The following SYT7 variants were observed in gnomAD, a reference collection of about 807,000 sequenced individuals.
The protein encoded by SYT7 is synaptotagmin-7.
A neutral mutation model predicts 75.1 loss-of-function variants in SYT7; 29 were observed. The observed-to-expected ratio is 0.39, with a 90% CI of 0.29 to 0.53. The LOEUF (loss-of-function observed/expected upper bound fraction) is 0.53. Among genes scored for constraint, SYT7 ranks in the 20% least tolerant of loss-of-function variants. The probability of loss-of-function intolerance (pLI) is 0.77; values close to 1 mark genes in which losing one functional copy is unlikely to be tolerated. For synonymous variants in SYT7, 376 were observed against 401.7 expected, an observed-to-expected ratio of 0.94 and a Z score of 0.76; for missense variants, 693 against 953.2, an observed-to-expected ratio of 0.73 and a Z score of 3.59.
chr11:61,529,292 G>C (rs1469917645), intron 8 of SYT7, among the ~76,000 whole-genome samples: 2 of 152,180 alleles, frequency 1.3e-5, no homozygotes, highest in Non-Finnish European at 1.5e-5. Context: ...CCTTCATCCT[G>C]GAGAGGCAGC....
intron 4 of SYT7, among the ~76,000 whole-genome samples, 168 bp downstream of exon 4, chr11:61,547,009 G>T (rs1046370767): frequency 6.6e-6 from 1 of 151,766 alleles, no homozygotes; most frequent in African/African-American, 2.4e-5. Context: ...GGGGTTGCTC[G>T]TCTCCATGGT....
At chr11:61,519,980 C>T (rs2062264021) in intron 12 of SYT7, among the ~76,000 whole-genome samples, 2 of 151,924 alleles carry the variant, frequency 1.3e-5, no homozygotes, top group African/African-American at 4.8e-5. Context: ...GCCACCACGC[C>T]CGGCTAATTT....
At chr11:61,527,818 CAT>C (rs2062568892) in intron 9 of SYT7, 95 bp downstream of exon 9, 10 of 1,451,156 alleles carry the variant, frequency 6.9e-6, no homozygotes, top group South Asian at 5.0e-5. Context: ...TGTGTGTACA[CAT>C]ATGTGTCTGT....
In SYT7 at chr11:61,580,811, C is replaced by A; in HGVS notation, c.10G>T (p.Asp4Tyr). The change falls in exon 1 of 13, where the codon GAC becomes TAC. Residue 4 changes from aspartate (D) to tyrosine (Y), a missense_variant. Asp to Tyr is a radical substitution (Grantham distance 160). Around this residue, in one of 2 missense-constraint regions of SYT7, gnomAD observed 487 missense variants for 593.2 expected, o/e 0.82. Transcript: ENST00000539008. This position sits in a 1 kb window ranked among gnomAD's most constrained non-coding sequence, Gnocchi z 6.1. ...TTACCTGGGCTGGCCGCCTCCGGGT[C>A]CCGGTACATGGTCCCCTCGTCGCCG... The part of the protein sequence containing the change: MYR[D>Y]PEAASPGAPS... The A allele has an allele frequency of 7.8e-7, 1 of 1,286,018 alleles. No homozygotes were observed. The highest frequency in any genetic ancestry group is 9.9e-7 in the Non-Finnish European group (1 of 1,014,084). The allele number at this position is 1,286,018 out of a possible 1,614,324, so 79.7% of individuals were successfully genotyped here.
rs1302133486 is a variant in SYT7, at chr11:61,514,139, G to C, written c.*4488C>G. ...AAAATGGAGGAAGGCAAAAAGTCCA[G>C]GGAAGGGCCCGAGCCAGTGGCAAGG... is the stretch of plus-strand genomic sequence containing the variant. On this transcript the variant is annotated 3_prime_UTR_variant, in exon 13 of 13. Transcript: ENST00000539008. 6.6e-6 allele frequency among the ~76,000 whole-genome samples: 1 copy of C among 152,248 alleles called. No individual in the cohort carries two copies. The highest frequency in any genetic ancestry group is 1.5e-5 in the Non-Finnish European group (1 of 68,048).
In SYT7 at chr11:61,524,185, C is replaced by A. The variant is rs1467565360; in HGVS notation, c.1641+178G>T. On this transcript the variant is annotated intron_variant, in intron 10 of 12. Coordinates refer to ENST00000539008, the MANE Select transcript of SYT7 (RefSeq NM_001365809.2). This position sits in a 1 kb window ranked among gnomAD's most constrained non-coding sequence, Gnocchi z 4.1. Reference sequence around the variant, plus strand: ...CTTCTTACAGATCGGGTGAGTCCCCCCAAGTGCCAAGCACCAATGTTCTGA... The same window carrying A: ...CTTCTTACAGATCGGGTGAGTCCCCACAAGTGCCAAGCACCAATGTTCTGA... Among the ~76,000 whole-genome samples, 2 of 152,200 alleles carry A rather than the reference C, an allele frequency of 1.3e-5. No homozygotes were observed. The highest frequency in any genetic ancestry group is 4.8e-5 in the African/African-American group (2 of 41,440).
upstream of SYT7, chr11:61,581,222 G>A (rs1171317989): frequency 6.8e-6 from 1 of 146,482 alleles, no homozygotes; most frequent in African/African-American, 2.5e-5. Context: ...TGCCGGCCGC[G>A]CGCCGCACTG....
At chr11:61,547,129 G>T in intron 4 of SYT7, 48 bp downstream of exon 4, 1 of 1,527,950 alleles carries the variant, frequency 6.5e-7, no homozygotes. Flanking sequence ...GAAGGAGGGC[G>T]TGCGCGGATA....
At chr11:61,543,121 G>A (rs1379333057) in intron 5 of SYT7, among the ~76,000 whole-genome samples, 2 of 152,234 alleles carry the variant, frequency 1.3e-5, no homozygotes, top group Non-Finnish European at 2.9e-5. Flanking sequence ...GAAGCCATCA[G>A]TTCTTATACT....
intron 7 of SYT7, among the ~76,000 whole-genome samples, chr11:61,536,522 C>T (rs2135187921): frequency 6.6e-6 from 1 of 152,320 alleles, no homozygotes; most frequent in East Asian, 1.9e-4. Flanking sequence ...TGCAGCCCAG[C>T]CTTGAGATCC....
intron 8 of SYT7, among the ~76,000 whole-genome samples, chr11:61,530,257 C>T (rs745572167): frequency 2.0e-5 from 3 of 152,176 alleles, no homozygotes; most frequent in Admixed American, 6.5e-5. Context: ...TGAGGCTTTA[C>T]CCCGGTCCTG....
At chr11:61,556,811 C>A (rs1258022659) in intron 1 of SYT7, among the ~76,000 whole-genome samples, 1 of 152,032 alleles carries the variant, frequency 6.6e-6, no homozygotes, top group African/African-American at 2.4e-5. Context: ...CAGCTGTTGC[C>A]CCCTTTAGCC....
intron 8 of SYT7, among the ~76,000 whole-genome samples, chr11:61,528,595 C>G (rs780230601): frequency 4.6e-5 from 7 of 152,074 alleles, no homozygotes; most frequent in African/African-American, 1.7e-4. Flanking sequence ...TGGGAGGCAC[C>G]GACACAAACC....
At chr11:61,530,956 C>G in intron 8 of SYT7, 1 of 985,426 alleles carries the variant, frequency 1.0e-6, no homozygotes, top group Non-Finnish European at 1.2e-6. Context: ...GCAAGCCACC[C>G]CTATACCAGG....
At chr11:61,527,884 C>T (rs532020326) in intron 9 of SYT7, 31 bp downstream of exon 9, 1 of 1,609,230 alleles carries the variant, frequency 6.2e-7, no homozygotes, top group East Asian at 2.2e-5. Flanking sequence ...CAAGAGGTGA[C>T]CATGGCGGGG....
rs771505394 is a variant in SYT7, at chr11:61,514,343, G to A, written c.*4284C>T. On this transcript the variant is annotated 3_prime_UTR_variant, in exon 13 of 13. Transcript: ENST00000539008. ...AGATCAGAAGTGATATCTAAACCAG[G>A]TTGTGGGAAATGAGGGACAGACAGC... is the stretch of plus-strand genomic sequence containing the variant. Among the ~76,000 whole-genome samples, 4 of 152,234 alleles carry A rather than the reference G, an allele frequency of 2.6e-5. No homozygotes were observed. Among genetic ancestry groups the A allele is most frequent in the Non-Finnish European group, 5.9e-5 (4 of 68,040 alleles).
At position 61,551,522 on chromosome 11, in the gene SYT7, C is replaced by T. The variant is rs1186461945; in HGVS notation, c.136-59G>A. On this transcript the variant is annotated intron_variant, in intron 2 of 12. Coordinates refer to ENST00000539008, the MANE Select transcript of SYT7 (RefSeq NM_001365809.2). The surrounding 1 kb of genome is among the most constrained non-coding windows in gnomAD (Gnocchi z 5.3). ...ACAGGACTGTACCCTCCCTACCTCC[C>T]CAGAACAGGGACCCGGAGGGGAAGG... 5.8e-6 allele frequency: 9 copies of T among 1,545,970 alleles called. No homozygotes were observed. Among genetic ancestry groups the T allele is most frequent in the Non-Finnish European group, 4.5e-6 (5 of 1,122,634 alleles).
intron 6 of SYT7, among the ~76,000 whole-genome samples, chr11:61,538,916 G>A (rs1202729217): frequency 2.0e-5 from 3 of 152,208 alleles, no homozygotes; most frequent in Admixed American, 6.5e-5. Flanking sequence ...AGGGTCTAAG[G>A]AGCTACCTCC....
chr11:61,580,240 C>T lies in SYT7; in HGVS notation c.31+550G>A, dbSNP rs948112780. Among the ~76,000 whole-genome samples, 1 of 152,008 alleles carries T rather than the reference C, an allele frequency of 6.6e-6. No individual in the cohort carries two copies. Among genetic ancestry groups the T allele is most frequent in the Non-Finnish European group, 1.5e-5 (1 of 67,982 alleles). On this transcript the variant is annotated intron_variant, in intron 1 of 12. Transcript: ENST00000539008. This position sits in a 1 kb window ranked among gnomAD's most constrained non-coding sequence, Gnocchi z 6.1. ...GGCACCCCCGTCTCACCCATCAACG[C>T]CCCTGCAGTTCCCCACCCCCCAGAA...
Sources: gnomAD v4.1 joint callset for allele counts (sites outside exome capture counted in the v4.1 genomes callset) on GRCh38, gnomAD v4.1.1 for gene constraint, gnomAD v4.1.1 regional missense constraint, Gnocchi (gnomAD v3.1) non-coding constraint, MANE v1.5 for transcripts, NCBI Gene and HGNC (gene_info 2026-07-23, HGNC 2026-07-21) for gene names.